VPS13A: variants seen among roughly 807,000 people sequenced by gnomAD.
VPS13A encodes vacuolar protein sorting 13 homolog A, also known as intermembrane lipid transfer protein VPS13A.
A neutral mutation model predicts 390.9 loss-of-function variants in VPS13A; 264 were observed. The observed-to-expected ratio is 0.68, with a 90% CI of 0.61 to 0.75. The LOEUF is 0.75. Among genes scored for constraint, VPS13A ranks in the 30% least tolerant of loss-of-function variants. VPS13A has a pLI of 0.00. For missense variants in VPS13A, 3,409 were observed against 3,733.9 expected (o/e 0.91, Z 2.27); for synonymous variants, 1,231 against 1,227.1 (o/e 1.00, Z -0.07).
rs1835227349 is a variant in VPS13A, at chr9:77,418,157, T to G, written c.*2151T>G. On this transcript the variant is annotated 3_prime_UTR_variant, in exon 72 of 72. Coordinates refer to ENST00000360280, the MANE Select transcript of VPS13A (RefSeq NM_033305.3). ...GGTTAGAATAAGAATCTTCTTGTATTTGAAAACCATCTGCCCTAAATTACA... is the reference window on the plus strand; with the variant it reads ...GGTTAGAATAAGAATCTTCTTGTATGTGAAAACCATCTGCCCTAAATTACA... 6.6e-6 allele frequency: 1 copy of G among 152,230 alleles called. No individual in the cohort carries two copies. The highest frequency in any genetic ancestry group is 1.5e-5 in the Non-Finnish European group (1 of 68,034). The allele number at this position is 152,230 out of a possible 1,614,324, so 9.4% of individuals were successfully genotyped here.
chr9:77,290,866 T>C (rs1174715383), intron 31 of VPS13A, among the ~76,000 whole-genome samples: 1 of 152,250 alleles, frequency 6.6e-6, no homozygotes, highest in African/African-American at 2.4e-5. Context: ...GCCTTTACCA[T>C]ATTAATCATA....
At chr9:77,320,768 T>C (rs762317684) in intron 42 of VPS13A, among the ~76,000 whole-genome samples, 2 of 152,116 alleles carry the variant, frequency 1.3e-5, no homozygotes, top group Non-Finnish European at 2.9e-5. Context: ...GTTCTGCTAC[T>C]ATTGTCTGCC....
At chr9:77,311,900 C>A (rs1177444234) in intron 35 of VPS13A, among the ~76,000 whole-genome samples, 3 of 152,078 alleles carry the variant, frequency 2.0e-5, no homozygotes, top group African/African-American at 7.2e-5. Context: ...TGAACAATTT[C>A]TAAATAACCC....
chr9:77,178,672 G>C lies in VPS13A; in HGVS notation c.100+868G>C, dbSNP rs531897294. Among the ~76,000 whole-genome samples the C allele has an allele frequency of 1.5e-4, 23 of 152,262 alleles. No individual in the cohort carries two copies. In the South Asian group the frequency reaches 3.9e-3, roughly 26 times the overall value. On this transcript the variant is annotated intron_variant, in intron 1 of 71. Coordinates refer to ENST00000360280, the MANE Select transcript of VPS13A (RefSeq NM_033305.3). ...TTGTGTCCGTTTAGTGTGGTATTCT[G>C]CCTTAGTGAGAGCCTCATTTTTAGT...
At chr9:77,216,280 A>G (rs1008482466) in intron 10 of VPS13A, among the ~76,000 whole-genome samples, 1 of 152,210 alleles carries the variant, frequency 6.6e-6, no homozygotes, top group African/African-American at 2.4e-5. Flanking sequence ...GGAGCTCAGA[A>G]GTAAAAAATT....
intron 54 of VPS13A, among the ~76,000 whole-genome samples, chr9:77,354,739 C>G (rs994524755): frequency 1.3e-5 from 2 of 152,100 alleles, no homozygotes; most frequent in African/African-American, 2.4e-5. Context: ...AGCTTACTAC[C>G]TTGCATTCCA....
intron 27 of VPS13A, among the ~76,000 whole-genome samples, chr9:77,281,458 A>G (rs976248045): frequency 2.0e-5 from 3 of 152,148 alleles, no homozygotes; most frequent in African/African-American, 2.4e-5. Context: ...TTTAAAAAGA[A>G]AAAGAAAACA....
Position 77,393,110 on chromosome 9 carries a change from C to A in VPS13A, c.9190-10126C>A, listed in dbSNP as rs1442666333. Among the ~76,000 whole-genome samples, 2 of 152,218 alleles carry A rather than the reference C, an allele frequency of 1.3e-5. 1 individual carries two copies. Among genetic ancestry groups the A allele is most frequent in the South Asian group, 4.1e-4 (2 of 4,832 alleles). On this transcript the variant is annotated intron_variant, in intron 68 of 71. Coordinates refer to ENST00000360280, the MANE Select transcript of VPS13A (RefSeq NM_033305.3). ...TTATCAGTTATTTTTATGGAATAATCTAAATCCTTTGTTGTCATTTAAACA... is the reference window on the plus strand; with the variant it reads ...TTATCAGTTATTTTTATGGAATAATATAAATCCTTTGTTGTCATTTAAACA...
At chr9:77,315,512 G>A (rs1829333657) in intron 38 of VPS13A, 42 bp downstream of exon 38, 1 of 1,574,424 alleles carries the variant, frequency 6.4e-7, no homozygotes, top group Non-Finnish European at 8.7e-7. Context: ...TTTTATTGAA[G>A]TGCTACAACA....
At position 77,405,908 on chromosome 9, in the gene VPS13A, G is replaced by T; in HGVS notation, c.9320G>T (p.Cys3107Phe). 6.2e-7 allele frequency: 1 copy of T among 1,613,906 alleles called. No homozygotes were observed. The highest frequency in any genetic ancestry group is 8.5e-7 in the Non-Finnish European group (1 of 1,180,000). Reference sequence around the variant, plus strand: ...AAGGGAACATTTGGACAACTCACGTGTGAGTGGCAGTATAGTTTTGATGAA... The same window carrying T: ...AAGGGAACATTTGGACAACTCACGTTTGAGTGGCAGTATAGTTTTGATGAA... The part of the protein sequence containing the change: ...VTKGTFGQLT[C>F]EWQYSFDEFT... The change falls in exon 70 of 72, where the codon TGT becomes TTT. Residue 3107 changes from cysteine to phenylalanine, a missense_variant. By Grantham distance (205) the Cys-to-Phe change is radical (BLOSUM62 -2). This residue lies in a region of VPS13A where 318 missense variants were observed against 333.7 expected (regional missense o/e 0.95). Coordinates refer to ENST00000360280, the MANE Select transcript of VPS13A (RefSeq NM_033305.3).
intron 22 of VPS13A, 93 bp downstream of exon 22, chr9:77,252,445 T>TGG (rs2131272485): frequency 9.9e-7 from 1 of 1,010,560 alleles, no homozygotes; most frequent in Non-Finnish European, 1.6e-6. Flanking sequence ...CTTGTGTGTG[T>TGG]GGTGAAATGT....
chr9:77,296,963 A>G (rs1828035339), intron 33 of VPS13A, among the ~76,000 whole-genome samples: 1 of 152,138 alleles, frequency 6.6e-6, no homozygotes, highest in South Asian at 2.1e-4. Flanking sequence ...CTCCTTATTT[A>G]TTAATATCTG....
At chr9:77,300,039 C>T (rs1828252440) in intron 33 of VPS13A, among the ~76,000 whole-genome samples, 2 of 151,992 alleles carry the variant, frequency 1.3e-5, no homozygotes, top group South Asian at 4.1e-4. Flanking sequence ...ACATGTGTAA[C>T]AATGTAACAA....
Position 77,261,783 on chromosome 9 carries a change from C to G in VPS13A, c.2427+1559C>G, listed in dbSNP as rs148467147. On this transcript the variant is annotated intron_variant, in intron 23 of 71. Coordinates refer to ENST00000360280, the MANE Select transcript of VPS13A (RefSeq NM_033305.3). ...TATTTTTAGCCGAGATGGAGTTTCA[C>G]CATGTTGGCCAGGCTGGTCTTAAAA... Among the ~76,000 whole-genome samples the G allele has an allele frequency of 4.4e-3, 672 of 152,170 alleles. 6 individuals are homozygous for G. The highest frequency in any genetic ancestry group is 0.015 in the African/African-American group (637 of 41,512).
At chr9:77,212,913 T>C in intron 7 of VPS13A, 56 bp from the exon 8 acceptor site, 4 of 1,558,634 alleles carry the variant, frequency 2.6e-6, no homozygotes, top group Non-Finnish European at 3.5e-6. Flanking sequence ...GATTTATTAC[T>C]CTGCTGTTTC....
intron 17 of VPS13A, among the ~76,000 whole-genome samples, chr9:77,230,585 A>G (rs553267241): frequency 9.2e-5 from 14 of 152,194 alleles, no homozygotes; most frequent in Admixed American, 2.6e-4. Flanking sequence ...CCATTGTTCT[A>G]TATGTCTAGC....
Position 77,341,923 on chromosome 9 carries a change from A to G in VPS13A, c.7026+1373A>G, listed in dbSNP as rs546682950. On this transcript the variant is annotated intron_variant, in intron 50 of 71. Transcript: ENST00000360280. Reference sequence around the variant, plus strand: ...TTATGTAGTTTACGTTTTAGTGGGTATAAGGGGAAACATTAATAATACCGT... The same window carrying G: ...TTATGTAGTTTACGTTTTAGTGGGTGTAAGGGGAAACATTAATAATACCGT... 1.3e-4 allele frequency among the ~76,000 whole-genome samples: 20 copies of G among 152,118 alleles called. No homozygotes were observed. In the South Asian group the frequency reaches 3.9e-3, roughly 30 times the overall value.
intron 46 of VPS13A, among the ~76,000 whole-genome samples, chr9:77,333,831 T>G (rs1830405365): frequency 6.6e-6 from 1 of 152,090 alleles, no homozygotes; most frequent in Non-Finnish European, 1.5e-5. Flanking sequence ...TAAGTAGAAT[T>G]TAAATATACT....
At chr9:77,292,639 C>A (rs1472451609) in intron 31 of VPS13A, among the ~76,000 whole-genome samples, 1 of 149,136 alleles carries the variant, frequency 6.7e-6, no homozygotes, top group Admixed American at 6.7e-5. Flanking sequence ...AACTGATTTG[C>A]TTGTTGATGG....
Sources: allele counts gnomAD v4.1 joint callset (sites outside exome capture counted in the v4.1 genomes callset), GRCh38; gene constraint gnomAD v4.1.1; regional missense constraint gnomAD v4.1.1; transcripts MANE v1.5; gene names NCBI Gene and HGNC (gene_info 2026-07-23, HGNC 2026-07-21).